MAP2K4: variants seen among roughly 807,000 people sequenced by gnomAD.
The protein encoded by MAP2K4 is dual specificity mitogen-activated protein kinase kinase 4.
MAP2K4 carries 4 observed loss-of-function variants against 48.5 expected under a neutral mutation model. The ratio of observed to expected loss-of-function variants is 0.08; its 90% CI spans 0.04 to 0.19. MAP2K4 has a LOEUF of 0.19. Ranked by LOEUF, MAP2K4 falls within the 10% of genes least tolerant of loss-of-function variation. MAP2K4 has a pLI of 1.00. For missense variants in MAP2K4, 258 were observed against 493.3 expected (o/e 0.52, Z 4.52); for synonymous variants, 166 against 173.1 (o/e 0.96, Z 0.32).
At chr17:12,099,834 T>G (rs1030599299) in intron 4 of MAP2K4, among the ~76,000 whole-genome samples, 1 of 152,206 alleles carries the variant, frequency 6.6e-6, no homozygotes, top group Non-Finnish European at 1.5e-5. Flanking sequence ...TACATAAAAT[T>G]TGAGAATTTC....
chr17:12,086,787 T>G (rs1409250716), intron 3 of MAP2K4, among the ~76,000 whole-genome samples: 3 of 152,226 alleles, frequency 2.0e-5, no homozygotes, highest in African/African-American at 7.2e-5. Flanking sequence ...GACATTGGAC[T>G]AAATCCCAAC....
At chr17:12,044,365 T>C (rs369721837) in intron 1 of MAP2K4, among the ~76,000 whole-genome samples, 1 of 152,228 alleles carries the variant, frequency 6.6e-6, no homozygotes, top group Non-Finnish European at 1.5e-5. Context: ...CTGCATCTTA[T>C]AGCTTTCTTT....
intron 8 of MAP2K4, among the ~76,000 whole-genome samples, chr17:12,126,503 C>T (rs1267825750): frequency 6.6e-6 from 1 of 152,184 alleles, no homozygotes. Flanking sequence ...TGAGGGCTTG[C>T]TTCCTGGTTC....
chr17:12,032,897 TG>T (rs1969482382), intron 1 of MAP2K4, among the ~76,000 whole-genome samples: 1 of 152,160 alleles, frequency 6.6e-6, no homozygotes, highest in Non-Finnish European at 1.5e-5. Context: ...TGGAGTGCAG[TG>T]GTGCAATCAT....
At chr17:12,123,298 T>C (rs748130180) in intron 7 of MAP2K4, among the ~76,000 whole-genome samples, 14 of 152,240 alleles carry the variant, frequency 9.2e-5, no homozygotes, top group Non-Finnish European at 1.9e-4. Context: ...AGTTTAAAGG[T>C]TATTCACACT....
intron 2 of MAP2K4, among the ~76,000 whole-genome samples, chr17:12,063,088 C>T (rs1394418024): frequency 6.6e-6 from 1 of 152,046 alleles, no homozygotes; most frequent in Non-Finnish European, 1.5e-5. Flanking sequence ...AGTGAAATCC[C>T]ATCAGACTTT....
intron 2 of MAP2K4, among the ~76,000 whole-genome samples, chr17:12,072,099 G>C (rs546136414): frequency 8.5e-5 from 13 of 152,252 alleles, no homozygotes; most frequent in Admixed American, 3.9e-4. Context: ...TCTCACCTGC[G>C]CACTTTGAAA....
chr17:12,084,596 G>A (rs970247176), intron 3 of MAP2K4, among the ~76,000 whole-genome samples: 2 of 152,142 alleles, frequency 1.3e-5, no homozygotes, highest in African/African-American at 4.8e-5. Flanking sequence ...GTTTTGCACG[G>A]TGGTGGGGTA....
In MAP2K4 at chr17:12,114,257, G is replaced by A. The variant is rs558588576; in HGVS notation, c.813+897G>A. 3.9e-5 allele frequency among the ~76,000 whole-genome samples: 6 copies of A among 152,198 alleles called. No homozygotes were observed. The South Asian group carries it at 8.3e-4, about 21-fold the overall frequency. Reference sequence around the variant, plus strand: ...AAGAGTCACAGGCTAGATATTATAGGTGTTCTAGATTATTTATGAATGGAT... The same window carrying A: ...AAGAGTCACAGGCTAGATATTATAGATGTTCTAGATTATTTATGAATGGAT... On this transcript the variant is annotated intron_variant, in intron 7 of 10. Coordinates refer to ENST00000353533, the MANE Select transcript of MAP2K4 (RefSeq NM_003010.4).
At chr17:12,089,258 T>C (rs1490342362) in intron 3 of MAP2K4, among the ~76,000 whole-genome samples, 1 of 152,172 alleles carries the variant, frequency 6.6e-6, no homozygotes, top group Non-Finnish European at 1.5e-5. Context: ...TAGGTGCTTA[T>C]GTAGGGGAAC....
At chr17:12,077,585 AT>A (rs1459653692) in intron 2 of MAP2K4, among the ~76,000 whole-genome samples, 1 of 152,164 alleles carries the variant, frequency 6.6e-6, no homozygotes, top group Non-Finnish European at 1.5e-5. Context: ...TCTGCAGGGC[AT>A]TGAGTGTGGC....
At chr17:12,060,334 A>G (rs1268381999) in intron 2 of MAP2K4, among the ~76,000 whole-genome samples, 1 of 152,198 alleles carries the variant, frequency 6.6e-6, no homozygotes, top group South Asian at 2.1e-4. Context: ...ACTATTTTAT[A>G]TAATGAATAG....
intron 1 of MAP2K4, among the ~76,000 whole-genome samples, chr17:12,033,053 C>T (rs981828397): frequency 6.6e-6 from 1 of 152,036 alleles, no homozygotes; most frequent in African/African-American, 2.4e-5. Context: ...CTAGGCTAGT[C>T]TCAAACTCCT....
intron 7 of MAP2K4, among the ~76,000 whole-genome samples, chr17:12,118,104 T>G (rs1274323301): frequency 6.6e-6 from 1 of 152,158 alleles, no homozygotes; most frequent in Non-Finnish European, 1.5e-5. Flanking sequence ...AGCATTAACT[T>G]TTTAAAGATT....
At chr17:12,050,121 A>G (rs1178813801) in intron 1 of MAP2K4, among the ~76,000 whole-genome samples, 8 of 152,180 alleles carry the variant, frequency 5.3e-5, no homozygotes, top group African/African-American at 1.9e-4. Context: ...GGAGGATTCT[A>G]GTGATTGTAG....
At chr17:12,096,420 TGGGCTAGGG>T (rs1191020669) in intron 4 of MAP2K4, among the ~76,000 whole-genome samples, 1 of 152,182 alleles carries the variant, frequency 6.6e-6, no homozygotes, top group Non-Finnish European at 1.5e-5. Flanking sequence ...GAAGTGAGTT[TGGGCTAGGG>T]GTAGAACTGG....
intron 3 of MAP2K4, among the ~76,000 whole-genome samples, chr17:12,089,958 C>A (rs1012976510): frequency 6.6e-6 from 1 of 152,192 alleles, no homozygotes; most frequent in African/African-American, 2.4e-5. Flanking sequence ...AAGTCATTTT[C>A]TGGACTCCTC....
intron 1 of MAP2K4, among the ~76,000 whole-genome samples, chr17:12,025,641 TCCTTAGCTATTTAC>T: frequency 6.6e-6 from 1 of 152,278 alleles, no homozygotes; most frequent in Non-Finnish European, 1.5e-5. Flanking sequence ...ACCAGTCGAG[TCCTTAGCTATTTAC>T]CCTTAGCTGA....
chr17:12,115,124 A>G (rs1193585065), intron 7 of MAP2K4, among the ~76,000 whole-genome samples: 1 of 152,228 alleles, frequency 6.6e-6, no homozygotes, highest in African/African-American at 2.4e-5. Context: ...TCTTTAGTCT[A>G]CAGGACTTAG....
Sources: gnomAD v4.1 joint callset for allele counts (sites outside exome capture counted in the v4.1 genomes callset) on GRCh38, gnomAD v4.1.1 for gene constraint, MANE v1.5 for transcripts, NCBI Gene and HGNC (gene_info 2026-07-23, HGNC 2026-07-21) for gene names.